Variants in AHRR observed in about 807,000 individuals in gnomAD.
AHRR encodes aryl hydrocarbon receptor repressor.
Under a neutral mutation model 44.0 loss-of-function variants are expected in AHRR, and 28 were observed. That is an observed-to-expected ratio of 0.64 (90% CI 0.47 to 0.87). The LOEUF (loss-of-function observed/expected upper bound fraction) is 0.87, where lower values mean the gene tolerates loss of function less well. Ranked by LOEUF, AHRR falls within the 40% of genes least tolerant of loss-of-function variation. The probability of loss-of-function intolerance (pLI) is 0.00; values close to 1 mark genes in which losing one functional copy is unlikely to be tolerated. For missense variants in AHRR, 990 were observed against 953.9 expected (o/e 1.04, Z -0.50); for synonymous variants, 434 against 407.0 (o/e 1.07, Z -0.80).
At position 389,718 on chromosome 5, in the gene AHRR, G is replaced by A. The variant is rs530494786; in HGVS notation, c.351+13002G>A. 1.7e-4 allele frequency among the ~76,000 whole-genome samples: 26 copies of A among 152,062 alleles called. No homozygotes were observed. In the East Asian group the frequency reaches 4.1e-3, roughly 24 times the overall value. The stretch of plus-strand genomic sequence containing the variant: ...GACGGCCCAGAGAAAGGACCAGGGC[G>A]CAGATATGGCGGCCCCCAGGACACA... On this transcript the variant is annotated intron_variant, in intron 4 of 10. Transcript: ENST00000684583.
rs576649517 is a variant in AHRR, at chr5:353,997, G to C, written c.244+86G>C. The C allele has an allele frequency of 7.1e-6, 10 of 1,408,810 alleles. No homozygotes were observed. In the East Asian group the frequency reaches 1.6e-4, roughly 23 times the overall value. 87.3% of individuals were successfully genotyped at this position (1,408,810 alleles called of 1,614,324 possible). A position where few individuals can be genotyped will look rare whatever the true frequency, so the allele number is the denominator to read the frequency against. On this transcript the variant is annotated intron_variant, in intron 3 of 10. Coordinates refer to ENST00000684583, the MANE Select transcript of AHRR (RefSeq NM_001377236.1). ...ATCTGGGGCCTTGTGGCCAGGTGAAGTGTGTCTGGTGGGTTGCACCATGTG... is the reference window on the plus strand; with the variant it reads ...ATCTGGGGCCTTGTGGCCAGGTGAACTGTGTCTGGTGGGTTGCACCATGTG...
intron 4 of AHRR, among the ~76,000 whole-genome samples, chr5:396,723 C>T (rs192699643): frequency 8.1e-4 from 123 of 152,220 alleles, no homozygotes; most frequent in South Asian, 7.0e-3. Context: ...GGAAGCATGC[C>T]GGCCCTGCAG....
At chr5:418,007 T>C (rs1186679727) in intron 5 of AHRR, among the ~76,000 whole-genome samples, 1 of 152,222 alleles carries the variant, frequency 6.6e-6, no homozygotes, top group African/African-American at 2.4e-5. Flanking sequence ...CATTTGTTGA[T>C]TCAATAAGTT....
intron 3 of AHRR, among the ~76,000 whole-genome samples, chr5:361,617 T>C (rs1387158619): frequency 6.6e-6 from 1 of 152,164 alleles, no homozygotes; most frequent in Non-Finnish European, 1.5e-5. Flanking sequence ...CAAAGAGGAT[T>C]GTCCTGAGGC....
At chr5:381,735 C>G (rs1212109717) in intron 4 of AHRR, among the ~76,000 whole-genome samples, 1 of 151,850 alleles carries the variant, frequency 6.6e-6, no homozygotes, top group Non-Finnish European at 1.5e-5. Context: ...AGGCTGGTCT[C>G]GAACTCCTGA....
intron 8 of AHRR, among the ~76,000 whole-genome samples, chr5:428,488 A>T (rs1158959449): frequency 6.6e-6 from 1 of 152,206 alleles, no homozygotes; most frequent in Non-Finnish European, 1.5e-5. Context: ...TGGCCAACCC[A>T]GGCCTACCCA....
chr5:422,963 C>T lies in AHRR; in HGVS notation c.571+105C>T, dbSNP rs1736202861. 35 of 1,419,510 alleles carry T rather than the reference C, an allele frequency of 2.5e-5. No individual in the cohort carries two copies. In the South Asian group the frequency reaches 4.4e-4, roughly 18 times the overall value. 87.9% of individuals were successfully genotyped at this position (1,419,510 alleles called of 1,614,324 possible). On this transcript the variant is annotated intron_variant, in intron 6 of 10. Transcript: ENST00000684583. ...GTCGCACCTTCTTGGTGTGCTTTGC[C>T]TTACACATTGACCTTAGCGCCAAAT...
Position 376,669 on chromosome 5 carries a change from T to C in AHRR, c.304T>C (p.Cys102Arg). The C allele has an allele frequency of 1.3e-6, 2 of 1,580,228 alleles. No individual in the cohort carries two copies. Among genetic ancestry groups the C allele is most frequent in the South Asian group, 1.1e-5 (1 of 89,220 alleles). Residue 102 changes from cysteine to arginine, a missense_variant, in exon 4 of 11, where the codon TGT (cysteine) becomes CGT (arginine). Coordinates refer to ENST00000684583, the MANE Select transcript of AHRR (RefSeq NM_001377236.1). ...AAGAPSPGDS[C>R]PLAGSAVLEG... ...CGGCGCCCCCTCGCCCGGAGACAGC[T>C]GTCCTCTTGCAGGGTCTGCCGTGCT...
chr5:345,630 C>T (rs1411638377), intron 2 of AHRR, among the ~76,000 whole-genome samples: 1 of 151,402 alleles, frequency 6.6e-6, no homozygotes, highest in Admixed American at 6.6e-5. Flanking sequence ...CGGATGATGT[C>T]CCCCGCTGCA....
At chr5:423,272 G>A (rs911455798) in intron 6 of AHRR, among the ~76,000 whole-genome samples, 1 of 152,196 alleles carries the variant, frequency 6.6e-6, no homozygotes, top group Non-Finnish European at 1.5e-5. Context: ...TTCAGAGTTG[G>A]TTGCCCCTTT....
chr5:348,547 C>G (rs1232043072), intron 2 of AHRR, among the ~76,000 whole-genome samples: 2 of 152,188 alleles, frequency 1.3e-5, no homozygotes, highest in African/African-American at 4.8e-5. Flanking sequence ...CCCAGGCAAC[C>G]TCCGATCTGT....
intron 6 of AHRR, 114 bp from the exon 7 acceptor site, chr5:423,727 C>T (rs1736239383): frequency 1.5e-6 from 2 of 1,354,170 alleles, no homozygotes; most frequent in South Asian, 1.5e-5. Flanking sequence ...GAGGATGGCA[C>T]AGTGATAGGG....
At position 411,051 on chromosome 5, in the gene AHRR, C is replaced by T. The variant is rs1330747298; in HGVS notation, c.352-2293C>T. Among the ~76,000 whole-genome samples the T allele has an allele frequency of 1.3e-5, 2 of 151,568 alleles. No individual in the cohort carries two copies. The highest frequency in any genetic ancestry group is 2.4e-5 in the African/African-American group (1 of 41,230). On this transcript the variant is annotated intron_variant, in intron 4 of 10. Transcript: ENST00000684583. This position sits in a 1 kb window ranked among gnomAD's most constrained non-coding sequence, Gnocchi z 4.2. ...TGATGAGTCTTGCTAGCAGATTATC[C>T]GTTTTATTAATCTTTTCAAAATTTT...
At chr5:334,650 C>A (rs1427004493) in intron 1 of AHRR, among the ~76,000 whole-genome samples, 1 of 151,912 alleles carries the variant, frequency 6.6e-6, no homozygotes, top group African/African-American at 2.4e-5. Context: ...CATTGAACTT[C>A]TTTAAAATCA....
chr5:326,846 G>A lies in AHRR; in HGVS notation c.-11+5027G>A, dbSNP rs1005006742. 1.3e-5 allele frequency among the ~76,000 whole-genome samples: 2 copies of A among 152,106 alleles called. No homozygotes were observed. The highest frequency in any genetic ancestry group is 2.9e-5 in the Non-Finnish European group (2 of 68,034). On this transcript the variant is annotated intron_variant, in intron 1 of 10. Coordinates refer to ENST00000684583, the MANE Select transcript of AHRR (RefSeq NM_001377236.1). The surrounding 1 kb of genome is among the most constrained non-coding windows in gnomAD (Gnocchi z 4.1). ...GGCTGAGGCAGGCGGATCACTTGAG[G>A]TCGGGAGTTCGAGACCAGCCTGACC...
At position 413,324 on chromosome 5, in the gene AHRR, T is replaced by G; in HGVS notation, c.352-20T>G. On this transcript the variant is annotated intron_variant, in intron 4 of 10. Transcript: ENST00000684583. ...GGTGAGCCAATTCGATTTTTTTTTT[T>G]GTTTTGTTTTTTCTTCTAGTCTCTT... The G allele has an allele frequency of 1.3e-6, 2 of 1,491,948 alleles. No individual in the cohort carries two copies. Among genetic ancestry groups the G allele is most frequent in the Admixed American group, 2.1e-5 (1 of 47,904 alleles). The allele number at this position is 1,491,948 out of a possible 1,614,324, so 92.4% of individuals were successfully genotyped here.
intron 5 of AHRR, among the ~76,000 whole-genome samples, chr5:416,072 C>T (rs1162221248): frequency 6.6e-6 from 1 of 152,210 alleles, no homozygotes; most frequent in Non-Finnish European, 1.5e-5. Flanking sequence ...TGGATGCCTC[C>T]TTGGGATGGC....
chr5:324,995 T>C (rs73023477), intron 1 of AHRR, among the ~76,000 whole-genome samples: 15,154 of 152,172 alleles, frequency 0.1, 2,431 homozygotes, highest in African/African-American at 0.34. Context: ...TGGAGACACC[T>C]GGGAGAACGT....
chr5:410,869 T>C (rs1275642296), intron 4 of AHRR, among the ~76,000 whole-genome samples: 2 of 152,232 alleles, frequency 1.3e-5, no homozygotes, highest in African/African-American at 2.4e-5. Context: ...ATCACTTTTG[T>C]TAATTTGCAT....
Sources: gnomAD v4.1 joint callset for allele counts (sites outside exome capture counted in the v4.1 genomes callset) on GRCh38, gnomAD v4.1.1 for gene constraint, Gnocchi (gnomAD v3.1) non-coding constraint, MANE v1.5 for transcripts, NCBI Gene and HGNC (gene_info 2026-07-23, HGNC 2026-07-21) for gene names.